HEXB: variants seen among roughly 807,000 people sequenced by gnomAD.
The protein encoded by HEXB is beta-hexosaminidase subunit beta.
In HEXB, 51 loss-of-function variants were observed where a neutral mutation model predicts 71.2. The observed-to-expected ratio is 0.72, with a 90% CI of 0.57 to 0.90. HEXB has a LOEUF of 0.90. Among genes scored for constraint, HEXB ranks in the 40% least tolerant of loss-of-function variants. HEXB has a pLI of 0.00. For missense variants in HEXB, 617 were observed against 677.0 expected (o/e 0.91, Z 0.98); for synonymous variants, 266 against 249.3 (o/e 1.07, Z -0.63).
At chr5:74,697,595 G>A (rs11749435) in intron 5 of HEXB, among the ~76,000 whole-genome samples, 19,356 of 151,840 alleles carry the variant, frequency 0.13, 1,599 homozygotes, top group East Asian at 0.25. Flanking sequence ...GCGTGGTAGC[G>A]TGCGCCTGTA....
At chr5:74,695,585 A>C (rs572150982) in intron 3 of HEXB, among the ~76,000 whole-genome samples, 7 of 150,610 alleles carry the variant, frequency 4.6e-5, no homozygotes, top group Admixed American at 1.3e-4. Flanking sequence ...TCACGCCTGT[A>C]ATCCCAGCAC....
intron 5 of HEXB, among the ~76,000 whole-genome samples, chr5:74,700,274 C>T (rs1749231916): frequency 6.6e-6 from 1 of 151,708 alleles, no homozygotes; most frequent in Non-Finnish European, 1.5e-5. Flanking sequence ...TCTCAGAGTG[C>T]TAGGATTACA....
chr5:74,703,816 C>T (rs1038501211), intron 5 of HEXB, among the ~76,000 whole-genome samples: 2 of 152,074 alleles, frequency 1.3e-5, no homozygotes, highest in African/African-American at 2.4e-5. Flanking sequence ...CCGGCACTAC[C>T]GGCATGTGTC....
chr5:74,685,928 G>A (rs980631259), intron 1 of HEXB, among the ~76,000 whole-genome samples: 1 of 152,128 alleles, frequency 6.6e-6, no homozygotes, highest in African/African-American at 2.4e-5. Flanking sequence ...GAAGGGCTTA[G>A]ACAAGCTCTC....
At chr5:74,706,627 G>A (rs929423705) in intron 6 of HEXB, among the ~76,000 whole-genome samples, 1 of 152,152 alleles carries the variant, frequency 6.6e-6, no homozygotes, top group Non-Finnish European at 1.5e-5. Context: ...TTAGGAAACG[G>A]CACACCAGGA....
intron 6 of HEXB, among the ~76,000 whole-genome samples, chr5:74,708,707 A>C (rs1749465914): frequency 6.6e-6 from 1 of 151,888 alleles, no homozygotes; most frequent in Non-Finnish European, 1.5e-5. Flanking sequence ...GCCATTACAT[A>C]ATGGTAAAGG....
chr5:74,657,131 T>C (rs1169184623), intron 1 of HEXB, among the ~76,000 whole-genome samples: 2 of 152,122 alleles, frequency 1.3e-5, no homozygotes, highest in Middle Eastern at 3.2e-3. Context: ...TCCCAGACTG[T>C]TGGTGGGGAG....
At position 74,652,311 on chromosome 5, in the gene HEXB, A is replaced by G. The variant is rs1748128147; in HGVS notation, c.-377+11753A>G. 6.6e-6 allele frequency among the ~76,000 whole-genome samples: 1 copy of G among 152,198 alleles called. No homozygotes were observed. The highest frequency in any genetic ancestry group is 2.1e-4 in the South Asian group (1 of 4,830). On this transcript the variant is annotated intron_variant, in intron 1 of 13. Coordinates refer to the HEXB transcript ENST00000511181. The surrounding 1 kb of genome is among the most constrained non-coding windows in gnomAD (Gnocchi z 5.4). ...AAGAATCCAGTTATTAAATGGCAGA[A>G]TCCAGACCCCTCGCTTTCTTTTTCA...
In HEXB at chr5:74,703,817, G is replaced by A. The variant is rs115214892; in HGVS notation, c.670-1402G>A. Among the ~76,000 whole-genome samples the A allele has an allele frequency of 3.6e-3, 552 of 152,130 alleles. 7 individuals are homozygous for A. Among genetic ancestry groups the A allele is most frequent in the African/African-American group, 0.013 (530 of 41,520 alleles). ...AATGGATGGGACTACCGGCACTACCGGCATGTGTCACGATGCCCAGCTAAT... is the reference window on the plus strand; with the variant it reads ...AATGGATGGGACTACCGGCACTACCAGCATGTGTCACGATGCCCAGCTAAT... On this transcript the variant is annotated intron_variant, in intron 5 of 13. Coordinates refer to ENST00000261416, the MANE Select transcript of HEXB (RefSeq NM_000521.4).
chr5:74,681,023 C>T (rs143867606), upstream of HEXB, among the ~76,000 whole-genome samples: 8 of 152,164 alleles, frequency 5.3e-5, no homozygotes, highest in African/African-American at 1.7e-4. Context: ...CAATTCCATG[C>T]GTTAGCTTTA....
chr5:74,717,006 A>G (rs1397548698), intron 9 of HEXB, among the ~76,000 whole-genome samples: 3 of 152,186 alleles, frequency 2.0e-5, no homozygotes, highest in Non-Finnish European at 2.9e-5. Context: ...CCTGGCCAAC[A>G]TGGTGAAATC....
chr5:74,704,910 G>C (rs563622818), intron 5 of HEXB, among the ~76,000 whole-genome samples: 1 of 152,108 alleles, frequency 6.6e-6, no homozygotes, highest in South Asian at 2.1e-4. Context: ...TGGGCAACAT[G>C]GCAAAACCCT....
At position 74,685,839 on chromosome 5, in the gene HEXB, A is replaced by G. The variant is rs574997535; in HGVS notation, c.299+280A>G. Among the ~76,000 whole-genome samples, 133 of 152,204 alleles carry G rather than the reference A, an allele frequency of 8.7e-4. 1 individual carries two copies. Among genetic ancestry groups the G allele is most frequent in the Non-Finnish European group, 1.5e-3 (100 of 67,998 alleles). ...TCTGAGGCCTTGTTGGGCAAATGGC[A>G]TGGACGGAGGGGACACCGGAGCTGG... On this transcript the variant is annotated intron_variant, in intron 1 of 13. Transcript: ENST00000261416.
At chr5:74,690,672 A>G (rs1748981610) in intron 2 of HEXB, among the ~76,000 whole-genome samples, 1 of 6,288 alleles carries the variant, frequency 1.6e-4, no homozygotes, top group Non-Finnish European at 8.9e-4. Context: ...AAAAAAAAAA[A>G]AAAAAAAAAA....
At chr5:74,655,381 C>T (rs1231112372) in intron 1 of HEXB, among the ~76,000 whole-genome samples, 1 of 133,632 alleles carries the variant, frequency 7.5e-6, no homozygotes, top group Non-Finnish European at 1.6e-5. Flanking sequence ...GTGGCACGAT[C>T]TCGCCACTGC....
At chr5:74,642,226 G>A (rs1318848491) in intron 1 of HEXB, among the ~76,000 whole-genome samples, 1 of 152,192 alleles carries the variant, frequency 6.6e-6, no homozygotes, top group Non-Finnish European at 1.5e-5. Flanking sequence ...TCCTTTGTTA[G>A]CATTAACTCG....
chr5:74,658,162 A>G (rs1435446863), intron 1 of HEXB, among the ~76,000 whole-genome samples: 4 of 152,140 alleles, frequency 2.6e-5, no homozygotes, highest in Admixed American at 2.6e-4. Context: ...GCTTCAGCAC[A>G]TGTGCCTCCC....
intron 1 of HEXB, among the ~76,000 whole-genome samples, chr5:74,654,949 C>T (rs1580360870): frequency 6.6e-6 from 1 of 152,082 alleles, no homozygotes; most frequent in African/African-American, 2.4e-5. Context: ...AGCTCAGGAC[C>T]GCTGAATATG....
chr5:74,647,380 T>C (rs550606029), intron 1 of HEXB, among the ~76,000 whole-genome samples: 1 of 152,338 alleles, frequency 6.6e-6, no homozygotes, highest in East Asian at 1.9e-4. Flanking sequence ...TTTGAATGAA[T>C]ATTAAAAGGA....
Sources: allele counts gnomAD v4.1 joint callset (sites outside exome capture counted in the v4.1 genomes callset), GRCh38; gene constraint gnomAD v4.1.1; non-coding constraint Gnocchi (gnomAD v3.1); transcripts MANE v1.5; gene names NCBI Gene and HGNC (gene_info 2026-07-23, HGNC 2026-07-21).